Variants in ANKS1A observed in about 807,000 individuals in gnomAD.
The protein encoded by ANKS1A is ankyrin repeat and SAM domain-containing protein 1A.
In ANKS1A, 55 loss-of-function variants were observed where a neutral mutation model predicts 120.3. The observed-to-expected ratio is 0.46, with a 90% CI of 0.37 to 0.57. The LOEUF (loss-of-function observed/expected upper bound fraction) is 0.57, where lower values mean the gene tolerates loss of function less well. Ranked by LOEUF, ANKS1A falls within the 20% of genes least tolerant of loss-of-function variation. ANKS1A has a pLI of 0.00. For missense variants in ANKS1A, 1,123 were observed against 1,480.3 expected, an observed-to-expected ratio of 0.76 and a Z score of 3.96; for synonymous variants, 590 against 604.7, an observed-to-expected ratio of 0.98 and a Z score of 0.36.
intron 2 of ANKS1A, among the ~76,000 whole-genome samples, chr6:34,969,025 A>G (rs1215889213): frequency 6.6e-6 from 1 of 152,218 alleles, no homozygotes; most frequent in Non-Finnish European, 1.5e-5. Context: ...GGTAATCTGA[A>G]TTAAAGTGAA....
intron 11 of ANKS1A, among the ~76,000 whole-genome samples, chr6:35,047,378 A>G (rs1775765007): frequency 1.3e-5 from 2 of 152,156 alleles, no homozygotes; most frequent in African/African-American, 4.8e-5. Flanking sequence ...GCCTGGTTTT[A>G]TCCACAGCCA....
chr6:34,947,142 CT>C (rs71002514), intron 1 of ANKS1A, among the ~76,000 whole-genome samples: 23,278 of 101,456 alleles, frequency 0.23, 1,592 homozygotes, highest in East Asian at 0.43. Flanking sequence ...ATAGTAGACT[CT>C]TTTTTTTTTT....
intron 7 of ANKS1A, among the ~76,000 whole-genome samples, chr6:34,984,030 G>A (rs1359079077): frequency 1.3e-5 from 2 of 152,034 alleles, no homozygotes; most frequent in Non-Finnish European, 2.9e-5. Flanking sequence ...TCCTGACCTT[G>A]AGATTTGCCT....
Position 34,967,260 on chromosome 6 carries a change from G to T in ANKS1A, c.219G>T (p.Val73=), listed in dbSNP as rs145339705. The T allele has an allele frequency of 6.2e-7, 1 of 1,613,330 alleles. No homozygotes were observed. The highest frequency in any genetic ancestry group is 1.3e-5 in the African/African-American group (1 of 74,700). Residue 73 remains valine (V), a synonymous_variant, in exon 2 of 24, where the codon GTG becomes GTT. Coordinates refer to ENST00000360359, the MANE Select transcript of ANKS1A (RefSeq NM_015245.3). ...SLLSMWRGPN[V]NCVDSTGYTP... is the part of the protein sequence containing the mutation. ...ATAGCATGTGGAGAGGGCCAAATGT[G>T]AACTGTGTTGACAGCACTGGCTACA...
chr6:35,035,125 G>A (rs1253477856), intron 11 of ANKS1A, among the ~76,000 whole-genome samples: 3 of 152,160 alleles, frequency 2.0e-5, no homozygotes, highest in African/African-American at 2.4e-5. Context: ...CAGGCTGGCC[G>A]GACCGTGCAC....
Position 35,089,130 on chromosome 6 carries a change from C to G in ANKS1A, c.*521C>G. 1 of 1,012,326 alleles carries G rather than the reference C, an allele frequency of 9.9e-7. No individual in the cohort carries two copies. The highest frequency in any genetic ancestry group is 1.2e-6 in the Non-Finnish European group (1 of 844,520). The allele number at this position is 1,012,326 out of a possible 1,614,324, so 62.7% of individuals were successfully genotyped here. A position where few individuals can be genotyped will look rare whatever the true frequency, so the allele number is the denominator to read the frequency against. ...GGCTCAGGCAGAATTGAGTACGGTGCGTCTGCTTTTCAAACCCAACCATAT... is the reference window on the plus strand; with the variant it reads ...GGCTCAGGCAGAATTGAGTACGGTGGGTCTGCTTTTCAAACCCAACCATAT... On this transcript the variant is annotated 3_prime_UTR_variant, in exon 24 of 24. Transcript: ENST00000360359.
intron 1 of ANKS1A, among the ~76,000 whole-genome samples, chr6:34,912,151 C>G (rs188483992): frequency 3.1e-4 from 47 of 152,334 alleles, no homozygotes; most frequent in Non-Finnish European, 5.6e-4. Flanking sequence ...TTTGCGTGAT[C>G]ATTGTTGTAC....
At chr6:34,949,790 T>C (rs1166138770) in intron 1 of ANKS1A, among the ~76,000 whole-genome samples, 1 of 152,210 alleles carries the variant, frequency 6.6e-6, no homozygotes, top group African/African-American at 2.4e-5. Context: ...GGATGGGTAC[T>C]GAAGTTGTGT....
chr6:35,076,286 G>A (rs1161270911), intron 13 of ANKS1A, among the ~76,000 whole-genome samples: 1 of 152,134 alleles, frequency 6.6e-6, no homozygotes, highest in Non-Finnish European at 1.5e-5. Flanking sequence ...AGCCAGGTGT[G>A]GTGGCGTCCC....
intron 13 of ANKS1A, among the ~76,000 whole-genome samples, chr6:35,070,614 C>T (rs1035745644): frequency 5.9e-5 from 9 of 151,400 alleles, no homozygotes; most frequent in South Asian, 2.1e-4. Context: ...CTCAGCCGCC[C>T]GAGTAGCTGG....
chr6:34,904,933 C>A (rs774707642), intron 1 of ANKS1A, among the ~76,000 whole-genome samples: 1 of 152,162 alleles, frequency 6.6e-6, no homozygotes, highest in Non-Finnish European at 1.5e-5. Context: ...GCCTCCGCCT[C>A]CTGAGTAGCT....
At chr6:35,040,920 G>A (rs965608630) in intron 11 of ANKS1A, among the ~76,000 whole-genome samples, 1 of 152,088 alleles carries the variant, frequency 6.6e-6, no homozygotes, top group Non-Finnish European at 1.5e-5. Flanking sequence ...CTCTTCCCTC[G>A]TATCCCAGAA....
At position 34,889,560 on chromosome 6, in the gene ANKS1A, G is replaced by T; in HGVS notation, c.158G>T (p.Gly53Val). Residue 53 changes from glycine (G) to valine (V), a missense_variant, in exon 1 of 24, where the codon GGC becomes GTC. Around this residue, in one of 3 missense-constraint regions of ANKS1A, gnomAD observed 73 missense variants for 82.2 expected, o/e 0.89. Coordinates refer to ENST00000360359, the MANE Select transcript of ANKS1A (RefSeq NM_015245.3). The surrounding 1 kb of genome is among the most constrained non-coding windows in gnomAD (Gnocchi z 5.5). The part of the protein sequence containing the change: ...GGGGSGGGGG[G>V]LGSSSHPLSS... ...GGCGGCAGCGGCGGCGGCGGCGGCG[G>T]CCTCGGCTCTTCCAGCCACCCCCTC... The T allele has an allele frequency of 1.6e-6, 2 of 1,274,592 alleles. 1 individual carries two copies. The highest frequency in any genetic ancestry group is 6.4e-5 in the East Asian group (2 of 31,378). 79.0% of individuals were successfully genotyped at this position (1,274,592 alleles called of 1,614,324 possible).
Position 35,060,293 on chromosome 6 carries a change from CA to C in ANKS1A, c.2184+41del. 6.4e-7 allele frequency: 1 copy of C among 1,556,504 alleles called. No individual in the cohort carries two copies. The highest frequency in any genetic ancestry group is 8.8e-7 in the Non-Finnish European group (1 of 1,140,248). On this transcript the variant is annotated intron_variant, in intron 13 of 23. Coordinates refer to ENST00000360359, the MANE Select transcript of ANKS1A (RefSeq NM_015245.3). This position sits in a 1 kb window ranked among gnomAD's most constrained non-coding sequence, Gnocchi z 4.5. ...GCCTCCTCAATGGCAGGGTGCTGCT[CA>C]GTGGAAACAGGCCTCCCTGGCCTCC...
At chr6:35,027,584 A>G (rs897631725) in intron 11 of ANKS1A, among the ~76,000 whole-genome samples, 7 of 152,120 alleles carry the variant, frequency 4.6e-5, no homozygotes. Context: ...TTTATTATGT[A>G]AGACTCTGAG....
intron 1 of ANKS1A, among the ~76,000 whole-genome samples, chr6:34,894,982 C>T (rs1325221459): frequency 3.9e-5 from 6 of 152,000 alleles, no homozygotes; most frequent in Admixed American, 1.3e-4. Context: ...GCTGCCATTT[C>T]ATTGGGGGAA....
At chr6:34,916,737 T>A (rs975620641) in intron 1 of ANKS1A, among the ~76,000 whole-genome samples, 4 of 152,222 alleles carry the variant, frequency 2.6e-5, no homozygotes, top group Non-Finnish European at 4.4e-5. Context: ...GGATTTGTAA[T>A]TCTGTGTAAT....
chr6:34,947,099 GTATGATACTTAA>G (rs1270951674), intron 1 of ANKS1A, among the ~76,000 whole-genome samples: 8 of 148,188 alleles, frequency 5.4e-5, no homozygotes, highest in South Asian at 2.2e-4. Flanking sequence ...TAGGTGTCTA[GTATGATACTTAA>G]TATGATACTT....
At chr6:34,974,243 G>A (rs1317653478) in intron 3 of ANKS1A, among the ~76,000 whole-genome samples, 2 of 7,948 alleles carry the variant, frequency 2.5e-4, no homozygotes, top group African/African-American at 1.2e-3. Context: ...TCCCGTTCCC[G>A]TTCCCCTTCC....
Sources: allele counts gnomAD v4.1 joint callset (sites outside exome capture counted in the v4.1 genomes callset), GRCh38; gene constraint gnomAD v4.1.1; regional missense constraint gnomAD v4.1.1; non-coding constraint Gnocchi (gnomAD v3.1); transcripts MANE v1.5; gene names NCBI Gene and HGNC (gene_info 2026-07-23, HGNC 2026-07-21).